Variants in LCORL observed in about 807,000 individuals in gnomAD.
LCORL encodes ligand dependent nuclear receptor corepressor like, also known as ligand-dependent nuclear receptor corepressor-like protein.
LCORL carries 41 observed loss-of-function variants against 141.8 expected under a neutral mutation model. That is an observed-to-expected ratio of 0.29 (90% confidence interval 0.23 to 0.38). LCORL has a LOEUF of 0.38. Ranked by LOEUF, LCORL falls within the 10% of genes least tolerant of loss-of-function variation. The pLI is 1.00. For missense variants in LCORL, 1,759 were observed against 2,035.0 expected (o/e 0.86, Z 2.61); for synonymous variants, 618 against 694.1 (o/e 0.89, Z 1.72).
chr4:17,906,486 CAAG>C (rs145986130), intron 5 of LCORL, among the ~76,000 whole-genome samples: 3,352 of 152,144 alleles, frequency 0.022, 111 homozygotes, highest in African/African-American at 0.071. Flanking sequence ...TTAAAATTAT[CAAG>C]AAGACTAGTT....
rs1260680931 is a variant in LCORL, at chr4:18,021,806, AGGGGCGCGAGCCCTCGGCGCGAGCCCC to A, written c.-82_-56del. 20 of 1,415,068 alleles carry A rather than the reference AGGGGCGCGAGCCCTCGGCGCGAGCCCC, an allele frequency of 1.4e-5. No individual in the cohort carries two copies. Among genetic ancestry groups the A allele is most frequent in the Admixed American group, 3.2e-5 (1 of 31,232 alleles). The allele number at this position is 1,415,068 out of a possible 1,614,324, so 87.7% of individuals were successfully genotyped here. A position where few individuals can be genotyped will look rare whatever the true frequency, so the allele number is the denominator to read the frequency against. ...CATACGAGCAGCGCAGGCACGAGGC[AGGGGCGCGAGCCCTCGGCGCGAGCCCC>A]GGAGCGCGCGCCCCCCGGAGGGGGG... On this transcript the variant is annotated 5_prime_UTR_variant, in exon 1 of 8. Transcript: ENST00000635767. The surrounding 1 kb of genome is among the most constrained non-coding windows in gnomAD (Gnocchi z 5.5).
intron 1 of LCORL, among the ~76,000 whole-genome samples, chr4:17,983,503 G>A (rs866570193): frequency 1.6e-4 from 24 of 151,952 alleles, no homozygotes; most frequent in Middle Eastern, 3.4e-3. Flanking sequence ...CTGTATTCCC[G>A]GATATTTTAT....
chr4:17,888,230 G>A (rs944953128), intron 5 of LCORL, among the ~76,000 whole-genome samples: 7 of 152,096 alleles, frequency 4.6e-5, no homozygotes, highest in African/African-American at 1.7e-4. Flanking sequence ...AATTCAGTGT[G>A]GCTAGAGGTT....
intron 1 of LCORL, among the ~76,000 whole-genome samples, chr4:17,984,200 G>A (rs1198150649): frequency 6.6e-6 from 1 of 152,102 alleles, no homozygotes; most frequent in Non-Finnish European, 1.5e-5. Flanking sequence ...TTGCATCTAT[G>A]TTCTTCAAGG....
intron 2 of LCORL, among the ~76,000 whole-genome samples, chr4:17,964,932 C>T (rs1577569567): frequency 6.7e-6 from 1 of 149,018 alleles, no homozygotes; most frequent in Admixed American, 6.7e-5. Context: ...TTGTAGGCTT[C>T]GGGAAGGGGT....
intron 1 of LCORL, among the ~76,000 whole-genome samples, chr4:17,997,783 T>TTAAG (rs1560461752): frequency 6.6e-6 from 1 of 151,788 alleles, no homozygotes; most frequent in African/African-American, 2.4e-5. Flanking sequence ...TATTGTTTGT[T>TTAAG]TGTTAGTAAT....
At chr4:17,989,859 G>C (rs573891767) in intron 1 of LCORL, among the ~76,000 whole-genome samples, 1 of 152,166 alleles carries the variant, frequency 6.6e-6, no homozygotes, top group Non-Finnish European at 1.5e-5. Flanking sequence ...TCATCTGGAG[G>C]TACCAGGGAA....
chr4:17,954,650 C>T (rs570262971), intron 4 of LCORL, among the ~76,000 whole-genome samples: 1 of 152,140 alleles, frequency 6.6e-6, no homozygotes, highest in East Asian at 1.9e-4. Flanking sequence ...ATAACCAGAC[C>T]AGATGGGCCT....
chr4:17,874,813 A>G lies in LCORL; in HGVS notation c.4177T>C (p.Ser1393Pro), dbSNP rs566019499. Reference sequence around the variant, plus strand: ...TCCAAACACTTTTTTGCATTCCGCGAAAGTCTGTTTCTTGGGGTATCTTTG... The same window carrying G: ...TCCAAACACTTTTTTGCATTCCGCGGAAGTCTGTTTCTTGGGGTATCTTTG... The change falls in exon 7 of 8, where the codon TCG (serine) becomes CCG (proline). Residue 1393 changes from serine to proline, a missense_variant. Physicochemically the swap from Ser to Pro is moderately conservative, Grantham distance 74. Coordinates refer to ENST00000635767, the Ensembl canonical transcript of LCORL. 1.5e-5 allele frequency: 19 copies of G among 1,233,782 alleles called. No individual in the cohort carries two copies. The South Asian group carries it at 6.1e-4, about 40-fold the overall frequency. 76.4% of individuals were successfully genotyped at this position (1,233,782 alleles called of 1,614,324 possible). A position where few individuals can be genotyped will look rare whatever the true frequency, so the allele number is the denominator to read the frequency against.
chr4:17,898,906 T>G (rs995163086), intron 5 of LCORL, among the ~76,000 whole-genome samples: 2 of 152,188 alleles, frequency 1.3e-5, no homozygotes, highest in Non-Finnish European at 2.9e-5. Flanking sequence ...AATGCCTCCA[T>G]AAGGACTGCA....
intron 4 of LCORL, among the ~76,000 whole-genome samples, chr4:17,959,831 A>G (rs1560406714): frequency 6.6e-6 from 1 of 152,106 alleles, no homozygotes; most frequent in African/African-American, 2.4e-5. Flanking sequence ...TCTGCACTAA[A>G]AAGATGTTTT....
intron 5 of LCORL, among the ~76,000 whole-genome samples, chr4:17,901,071 TA>T (rs565827878): frequency 6.6e-6 from 1 of 151,778 alleles, no homozygotes; most frequent in Admixed American, 6.6e-5. Context: ...TTCTTTTTTT[TA>T]AAAAAAATGT....
chr4:17,925,878 CAAAAAAAAAA>C (rs71167343), intron 4 of LCORL, among the ~76,000 whole-genome samples: 7 of 96,628 alleles, frequency 7.2e-5, no homozygotes, highest in Admixed American at 1.1e-4. Context: ...GATTCCATCT[CAAAAAAAAAA>C]AAAAAAAAAA....
At chr4:17,990,528 G>A (rs1373066155) in intron 1 of LCORL, among the ~76,000 whole-genome samples, 1 of 141,088 alleles carries the variant, frequency 7.1e-6, no homozygotes, top group Non-Finnish European at 1.5e-5. Context: ...GGGTGGGAGG[G>A]TTGGTCTTGA....
intron 1 of LCORL, among the ~76,000 whole-genome samples, chr4:18,003,310 A>C (rs765070369): frequency 2.2e-4 from 34 of 152,214 alleles, no homozygotes; most frequent in Non-Finnish European, 2.9e-5. Flanking sequence ...GGCTGACTTC[A>C]ACTGGAGTGA....
chr4:17,934,270 A>T (rs1736499002), intron 4 of LCORL, among the ~76,000 whole-genome samples: 1 of 152,150 alleles, frequency 6.6e-6, no homozygotes, highest in African/African-American at 2.4e-5. Context: ...GTAACAAATG[A>T]AATACACCAA....
intron 1 of LCORL, among the ~76,000 whole-genome samples, chr4:17,993,585 T>G (rs993385162): frequency 2.6e-5 from 4 of 152,042 alleles, no homozygotes; most frequent in African/African-American, 4.8e-5. Context: ...AGGAGGACAA[T>G]ATAAAAGGCT....
At chr4:17,996,666 A>G (rs1720966312) in intron 1 of LCORL, among the ~76,000 whole-genome samples, 1 of 152,058 alleles carries the variant, frequency 6.6e-6, no homozygotes, top group African/African-American at 2.4e-5. Flanking sequence ...AAATTTCCAG[A>G]GGCCTGACAT....
chr4:17,869,317 G>A (rs1201322768), intron 7 of LCORL, among the ~76,000 whole-genome samples: 1 of 151,872 alleles, frequency 6.6e-6, no homozygotes, highest in African/African-American at 2.4e-5. Context: ...ATAGTTTTCT[G>A]TGCTAATTTT....
Sources: allele counts gnomAD v4.1 joint callset (sites outside exome capture counted in the v4.1 genomes callset), GRCh38; gene constraint gnomAD v4.1.1; non-coding constraint Gnocchi (gnomAD v3.1); transcripts MANE v1.5; gene names NCBI Gene and HGNC (gene_info 2026-07-23, HGNC 2026-07-21).